PIEZO2: variants seen among roughly 807,000 people sequenced by gnomAD.
PIEZO2 encodes piezo-type mechanosensitive ion channel component 2.
PIEZO2 carries 172 observed loss-of-function variants against 337.3 expected under a neutral mutation model. The observed-to-expected ratio is 0.51, with a 90% CI of 0.45 to 0.58. PIEZO2 has a LOEUF of 0.58. Ranked by LOEUF, PIEZO2 falls within the 20% of genes least tolerant of loss-of-function variation. The pLI, the probability that PIEZO2 is intolerant of heterozygous loss-of-function variation, is 0.00. For missense variants in PIEZO2, 3,028 were observed against 3,391.3 expected, an observed-to-expected ratio of 0.89 and a Z score of 2.66; for synonymous variants, 1,251 against 1,228.5, an observed-to-expected ratio of 1.02 and a Z score of -0.38.
chr18:10,670,492 C>A lies in PIEZO2; in HGVS notation c.*1035G>T, dbSNP rs1176519189. ...TTCCCCAAGCTCAATATACATATTTCTTTCATAATTATGAACTTAAAAAAC... is the reference window on the plus strand; with the variant it reads ...TTCCCCAAGCTCAATATACATATTTATTTCATAATTATGAACTTAAAAAAC... On this transcript the variant is annotated 3_prime_UTR_variant, in exon 56 of 56. Coordinates refer to ENST00000674853, the MANE Select transcript of PIEZO2 (RefSeq NM_001378183.1). 1 of 152,116 alleles carries A rather than the reference C, an allele frequency of 6.6e-6. No homozygotes were observed. The highest frequency in any genetic ancestry group is 1.5e-5 in the Non-Finnish European group (1 of 68,018). 9.4% of individuals were successfully genotyped at this position (152,116 alleles called of 1,614,324 possible).
At chr18:10,692,251 T>C (rs973089569) in intron 47 of PIEZO2, among the ~76,000 whole-genome samples, 41 of 152,300 alleles carry the variant, frequency 2.7e-4, no homozygotes, top group African/African-American at 9.4e-4. Context: ...ACTTTAAACT[T>C]TGGATAAATG....
At chr18:10,696,340 A>T (rs1224503413) in intron 46 of PIEZO2, 52 bp from the exon 47 acceptor site, 2 of 1,613,716 alleles carry the variant, frequency 1.2e-6, no homozygotes, top group South Asian at 1.1e-5. Flanking sequence ...CATGGCAGGA[A>T]GCGCCATCGC....
chr18:10,965,139 AT>A (rs1162413538), intron 3 of PIEZO2, among the ~76,000 whole-genome samples: 2 of 152,004 alleles, frequency 1.3e-5, no homozygotes, highest in Non-Finnish European at 1.5e-5. Context: ...TGTGTTTTCA[AT>A]TCTTTTATGG....
Position 10,789,429 on chromosome 18 carries a change from T to C in PIEZO2, c.1883-64A>G, listed in dbSNP as rs374348663. Reference sequence around the variant, plus strand: ...ATCTGTGCAGACCACACTTTGACCATGTGATAGGTATAGGATGTAGAGGCA... The same window carrying C: ...ATCTGTGCAGACCACACTTTGACCACGTGATAGGTATAGGATGTAGAGGCA... On this transcript the variant is annotated intron_variant, in intron 14 of 55. Coordinates refer to ENST00000674853, the MANE Select transcript of PIEZO2 (RefSeq NM_001378183.1). 4 of 1,471,240 alleles carry C rather than the reference T, an allele frequency of 2.7e-6. No individual in the cohort carries two copies. The African/African-American group carries it at 5.6e-5, about 21-fold the overall frequency. 91.1% of individuals were successfully genotyped at this position (1,471,240 alleles called of 1,614,324 possible). A position where few individuals can be genotyped will look rare whatever the true frequency, so the allele number is the denominator to read the frequency against.
chr18:11,057,866 T>A (rs754969), intron 2 of PIEZO2, among the ~76,000 whole-genome samples: 102,161 of 152,170 alleles, frequency 0.67, 34,853 homozygotes, highest in East Asian at 0.99. Flanking sequence ...TTGTCATATA[T>A]CTAACTGCTG....
intron 1 of PIEZO2, among the ~76,000 whole-genome samples, chr18:11,130,247 A>T (rs1012992011): frequency 6.6e-6 from 1 of 152,226 alleles, no homozygotes; most frequent in Non-Finnish European, 1.5e-5. Flanking sequence ...TTGCAAGCTT[A>T]ACCAAGTGGT....
At chr18:10,799,325 C>T (rs1485267649) in intron 11 of PIEZO2, among the ~76,000 whole-genome samples, 2 of 152,190 alleles carry the variant, frequency 1.3e-5, no homozygotes, top group African/African-American at 4.8e-5. Context: ...GGATTGGTGA[C>T]AGGCAATTGG....
intron 3 of PIEZO2, among the ~76,000 whole-genome samples, chr18:10,925,672 C>T (rs1056806393): frequency 1.3e-5 from 2 of 152,158 alleles, no homozygotes; most frequent in Non-Finnish European, 2.9e-5. Flanking sequence ...CTCTGCCTCC[C>T]GTGTTCACGC....
At chr18:10,725,550 C>T (rs1244288657) in intron 36 of PIEZO2, 2 of 1,370,884 alleles carry the variant, frequency 1.5e-6, no homozygotes, top group South Asian at 2.8e-5. Flanking sequence ...ACTAACTCCC[C>T]CTTTTGTTTC....
At position 11,100,324 on chromosome 18, in the gene PIEZO2, T is replaced by C. The variant is rs1479659592; in HGVS notation, c.65-34102A>G. On this transcript the variant is annotated intron_variant, in intron 1 of 55. Coordinates refer to ENST00000674853, the MANE Select transcript of PIEZO2 (RefSeq NM_001378183.1). ...TTCAACAGAGTGCTCCATTTGATTT[T>C]TCCTTTCATTTGAATGCTTTTCCAA... Among the ~76,000 whole-genome samples the C allele has an allele frequency of 3.3e-5, 5 of 152,222 alleles. No individual in the cohort carries two copies. In the East Asian group the frequency reaches 9.6e-4, roughly 29 times the overall value.
At chr18:10,687,031 C>A (rs1478180904) in intron 49 of PIEZO2, among the ~76,000 whole-genome samples, 1 of 152,164 alleles carries the variant, frequency 6.6e-6, no homozygotes, top group Non-Finnish European at 1.5e-5. Flanking sequence ...CAGACCTACG[C>A]CCTACCTTCC....
chr18:11,086,091 C>T (rs888440149), intron 1 of PIEZO2, among the ~76,000 whole-genome samples: 1 of 152,034 alleles, frequency 6.6e-6, no homozygotes, highest in African/African-American at 2.4e-5. Flanking sequence ...TTTATAATGG[C>T]ATACAAAGAA....
At chr18:10,674,876 A>G (rs1362074955) in intron 54 of PIEZO2, among the ~76,000 whole-genome samples, 1 of 152,234 alleles carries the variant, frequency 6.6e-6, no homozygotes, top group Non-Finnish European at 1.5e-5. Context: ...GGGCAGACAT[A>G]TTTAGCAATG....
chr18:10,857,916 C>T (rs773916562), intron 5 of PIEZO2, among the ~76,000 whole-genome samples: 1 of 151,614 alleles, frequency 6.6e-6, no homozygotes, highest in Non-Finnish European at 1.5e-5. Context: ...GTTCGTTTTG[C>T]GTTTAAAGAA....
In PIEZO2 at chr18:10,888,023, T is replaced by C. The variant is rs1459419364; in HGVS notation, c.330-16608A>G. Among the ~76,000 whole-genome samples, 5 of 152,204 alleles carry C rather than the reference T, an allele frequency of 3.3e-5. No homozygotes were observed. The highest frequency in any genetic ancestry group is 1.5e-5 in the Non-Finnish European group (1 of 68,040). ...ATTCTGAAATTGCATCAATGTCCTC[T>C]GCCTTATCAAGCTTCCACCCACCAA... On this transcript the variant is annotated intron_variant, in intron 4 of 55. Coordinates refer to ENST00000674853, the MANE Select transcript of PIEZO2 (RefSeq NM_001378183.1). The surrounding 1 kb of genome is among the most constrained non-coding windows in gnomAD (Gnocchi z 4.1).
Position 10,846,492 on chromosome 18 carries a change from C to G in PIEZO2, c.917+8861G>C, listed in dbSNP as rs1306904761. Among the ~76,000 whole-genome samples, 4 of 152,032 alleles carry G rather than the reference C, an allele frequency of 2.6e-5. No homozygotes were observed. The highest frequency in any genetic ancestry group is 9.7e-5 in the African/African-American group (4 of 41,386). On this transcript the variant is annotated intron_variant, in intron 7 of 55. Transcript: ENST00000674853. This position sits in a 1 kb window ranked among gnomAD's most constrained non-coding sequence, Gnocchi z 4.1. ...GATAAAATACAAGGGTTTTAGGAAA[C>G]AGAGAGAGAAAAGAAGCTTGAACTA...
Position 10,762,602 on chromosome 18 carries a change from G to T in PIEZO2, c.3147C>A (p.Ile1049=). ...GAGACTTGTTCAACTCATTAAAGGG[G>T]ATGTTTGTTTGATTTTCATTTGGCT... ...CSLPNENQTN[I]PFNELNKSLL... is the part of the protein sequence containing the mutation. Residue 1049 remains isoleucine, a synonymous_variant, in exon 23 of 56, where the codon ATC becomes ATA. Coordinates refer to ENST00000674853, the MANE Select transcript of PIEZO2 (RefSeq NM_001378183.1). 2 of 1,537,264 alleles carry T rather than the reference G, an allele frequency of 1.3e-6. No individual in the cohort carries two copies. Among genetic ancestry groups the T allele is most frequent in the Non-Finnish European group, 1.7e-6 (2 of 1,146,848 alleles).
chr18:10,990,708 C>T (rs1360026187), intron 2 of PIEZO2, among the ~76,000 whole-genome samples: 9 of 150,746 alleles, frequency 6.0e-5, no homozygotes, highest in African/African-American at 1.5e-4. Context: ...TAAATATATA[C>T]GTGTACACAC....
At chr18:10,801,299 A>G in intron 10 of PIEZO2, 91 bp downstream of exon 10, 8 of 1,129,450 alleles carry the variant, frequency 7.1e-6, no homozygotes, top group Non-Finnish European at 8.6e-6. Context: ...ATTTTAATAG[A>G]TCATTAAAAT....
Sources: gnomAD v4.1 joint callset for allele counts (sites outside exome capture counted in the v4.1 genomes callset) on GRCh38, gnomAD v4.1.1 for gene constraint, Gnocchi (gnomAD v3.1) non-coding constraint, MANE v1.5 for transcripts, NCBI Gene and HGNC (gene_info 2026-07-23, HGNC 2026-07-21) for gene names.